Variants in LSR observed in about 807,000 individuals in gnomAD.
LSR encodes the protein lipolysis-stimulated lipoprotein receptor.
A neutral mutation model predicts 61.8 loss-of-function variants in LSR; 44 were observed. The observed-to-expected ratio is 0.71, with a 90% CI of 0.56 to 0.91. The LOEUF (loss-of-function observed/expected upper bound fraction) is 0.91. LSR is among the 40% of genes least tolerant of loss of function. The pLI is 0.00. For synonymous variants in LSR, 397 were observed against 350.6 expected, an observed-to-expected ratio of 1.13 and a Z score of -1.48; for missense variants, 911 against 830.5, an observed-to-expected ratio of 1.10 and a Z score of -1.19.
intron 5 of LSR, chr19:35,262,978 C>T: frequency 2.9e-6 from 1 of 341,774 alleles, no homozygotes; most frequent in Non-Finnish European, 5.3e-6. Flanking sequence ...GAAGTAAAGC[C>T]CTCTAAAAAA....
chr19:35,267,949 A>G lies in LSR; in HGVS notation c.*90A>G, dbSNP rs1045972045. Reference sequence around the variant, plus strand: ...TGCCATACCCCTCCCGAGTCTAATAAAACGTATAATCACAAGCTCTGGAGA... The same window carrying G: ...TGCCATACCCCTCCCGAGTCTAATAGAACGTATAATCACAAGCTCTGGAGA... On this transcript the variant is annotated 3_prime_UTR_variant, in exon 10 of 10. Coordinates refer to ENST00000605618, the MANE Select transcript of LSR (RefSeq NM_205834.4). The G allele has an allele frequency of 4.8e-6, 7 of 1,460,872 alleles. No individual in the cohort carries two copies. Among genetic ancestry groups the G allele is most frequent in the Non-Finnish European group, 1.9e-6 (2 of 1,048,304 alleles). 90.5% of individuals were successfully genotyped at this position (1,460,872 alleles called of 1,614,324 possible). A position where few individuals can be genotyped will look rare whatever the true frequency, so the allele number is the denominator to read the frequency against.
At position 35,254,765 on chromosome 19, in the gene LSR, G is replaced by A. The variant is rs191640434; in HGVS notation, c.454+4106G>A. ...CAGTGCTCAGCCCGGATGAGATCAC[G>A]GCCAGCCCAAGACCAGGAACAGGGT... On this transcript the variant is annotated intron_variant, in intron 2 of 9. Transcript: ENST00000605618. 5.2e-3 allele frequency among the ~76,000 whole-genome samples: 799 copies of A among 152,318 alleles called. 7 individuals carry two copies. The highest frequency in any genetic ancestry group is 0.016 in the Admixed American group (246 of 15,304).
chr19:35,263,608 C>G (rs1894232), intron 5 of LSR, among the ~76,000 whole-genome samples: 71,667 of 151,830 alleles, frequency 0.47, 17,524 homozygotes, highest in Middle Eastern at 0.56. Flanking sequence ...GTGATCCTCC[C>G]AAGTCAGCCT....
In LSR at chr19:35,262,703, C is replaced by G. The variant is rs367775342; in HGVS notation, c.778+11C>G. On this transcript the variant is annotated intron_variant, in intron 5 of 9. Coordinates refer to ENST00000605618, the MANE Select transcript of LSR (RefSeq NM_205834.4). ...GCTGCCCCGAGGCCCGTAAGTGTCC[C>G]GCTCATGGCCACCCTGGTTTGGGCA... 15 of 1,611,510 alleles carry G rather than the reference C, an allele frequency of 9.3e-6. No homozygotes were observed. The South Asian group carries it at 1.5e-4, about 17-fold the overall frequency.
chr19:35,263,363 A>C (rs1379805854), intron 5 of LSR, among the ~76,000 whole-genome samples: 2 of 152,058 alleles, frequency 1.3e-5, no homozygotes, highest in African/African-American at 4.8e-5. Context: ...TAAGCAAAAA[A>C]AATTTTTTTT....
At chr19:35,266,633 G>A (rs1274706129) in intron 6 of LSR, 46 bp from the exon 7 acceptor site, 5 of 1,597,992 alleles carry the variant, frequency 3.1e-6, no homozygotes, top group Non-Finnish European at 4.3e-6. Context: ...AGCCGAGGAG[G>A]GGCTCTGCTC....
At chr19:35,249,895 C>T (rs1011850736) in intron 1 of LSR, among the ~76,000 whole-genome samples, 6 of 152,134 alleles carry the variant, frequency 3.9e-5, no homozygotes, top group African/African-American at 1.4e-4. Flanking sequence ...TCAAAAGGCC[C>T]CGGGTAACCT....
In LSR at chr19:35,267,909, A is replaced by G. The variant is rs1419488581; in HGVS notation, c.*50A>G. On this transcript the variant is annotated 3_prime_UTR_variant, in exon 10 of 10. Transcript: ENST00000605618. ...GTATTTTTTTTTTTAATTTGAAGGA[A>G]CACTGATGAAGCCCTGCCATACCCC... The G allele has an allele frequency of 3.2e-6, 5 of 1,583,316 alleles. No individual in the cohort carries two copies. Among genetic ancestry groups the G allele is most frequent in the Non-Finnish European group, 4.3e-6 (5 of 1,154,614 alleles).
At position 35,266,504 on chromosome 19, in the gene LSR, C is replaced by A; in HGVS notation, c.924C>A (p.Tyr308Ter). ...GPAYNGYPGG[Y>*]PGDVDRSSSA... Reference sequence around the variant, plus strand: ...CCTACAACGGGTACCCTGGAGGATACCCTGGAGACGTTGACAGGAGTAGCT... The same window carrying A: ...CCTACAACGGGTACCCTGGAGGATAACCTGGAGACGTTGACAGGAGTAGCT... Residue 308 changes from tyrosine to a stop codon, truncating the protein, a stop_gained, in exon 6 of 10, where the codon TAC becomes TAA. Transcript: ENST00000605618. LOFTEE classifies it high-confidence loss of function. The A allele has an allele frequency of 6.2e-7, 1 of 1,609,178 alleles. No homozygotes were observed. Among genetic ancestry groups the A allele is most frequent in the Non-Finnish European group, 8.5e-7 (1 of 1,177,096 alleles).
chr19:35,249,124 G>C lies in LSR; in HGVS notation c.102G>C (p.Trp34Cys). The C allele has an allele frequency of 6.5e-7, 1 of 1,542,170 alleles. No homozygotes were observed. The highest frequency in any genetic ancestry group is 1.2e-5 in the South Asian group (1 of 83,174). The change falls in exon 1 of 10, where the codon TGG becomes TGC. Residue 34 changes from tryptophan to cysteine, a missense_variant. Coordinates refer to ENST00000605618, the MANE Select transcript of LSR (RefSeq NM_205834.4). The part of the protein sequence containing the change: ...VVFVWLLLST[W>C]CTAPARAIQV... ...TCGTGTGGCTTCTGCTTAGCACCTG[G>C]TGCACAGGTACGGGGCACGGGGCCT...
In LSR at chr19:35,266,702, C is replaced by T. The variant is rs769025422; in HGVS notation, c.976C>T (p.Pro326Ser). The stretch of plus-strand genomic sequence containing the variant: ...AGCTGGTGGCCAAGGCTCCTATGTA[C>T]CCCTGCTTCGGGACACGGACAGCAG... ...SSAGGQGSYV[P>S]LLRDTDSSVA... Residue 326 changes from proline (P) to serine (S), a missense_variant, in exon 7 of 10, where the codon CCC becomes TCC. Physicochemically the swap from Pro to Ser is moderately conservative, Grantham distance 74 (BLOSUM62 -1). Transcript: ENST00000605618. 13 of 1,609,066 alleles carry T rather than the reference C, an allele frequency of 8.1e-6. No individual in the cohort carries two copies. In the East Asian group the frequency reaches 2.7e-4, roughly 33 times the overall value.
chr19:35,267,323 C>A lies in LSR; in HGVS notation c.1359C>A (p.Thr453=), dbSNP rs746487756. The change falls in exon 9 of 10, where the codon ACC becomes ACA. Residue 453 remains threonine, a synonymous_variant. Transcript: ENST00000605618. ...ARSVDALDDL[T]PPSTAESGSR... is the part of the protein sequence containing the mutation. ...CCGTGGACGCCCTGGACGACCTCAC[C>A]CCGCCGAGCACCGCCGAGTCAGGGA... 6.4e-7 allele frequency: 1 copy of A among 1,562,096 alleles called. No homozygotes were observed. The highest frequency in any genetic ancestry group is 8.7e-7 in the Non-Finnish European group (1 of 1,154,366).
intron 2 of LSR, among the ~76,000 whole-genome samples, chr19:35,258,132 A>G (rs2065877916): frequency 6.6e-6 from 1 of 152,192 alleles, no homozygotes; most frequent in African/African-American, 2.4e-5. Context: ...GAGGTGGTTC[A>G]GAGATGGCTG....
Position 35,266,335 on chromosome 19 carries a change from C to T in LSR, c.779-24C>T, listed in dbSNP as rs997577443. ...GCCTGGCTCCTGCCTCATCCCCCTT[C>T]TCCTGTTGATTGTGTCCTCACAGTG... On this transcript the variant is annotated intron_variant, in intron 5 of 9. Transcript: ENST00000605618. The T allele has an allele frequency of 2.6e-6, 4 of 1,545,688 alleles. No individual in the cohort carries two copies. The African/African-American group carries it at 4.1e-5, about 16-fold the overall frequency.
At chr19:35,266,770 C>A in intron 7 of LSR, 32 bp downstream of exon 7, 1 of 1,609,334 alleles carries the variant, frequency 6.2e-7, no homozygotes, top group Non-Finnish European at 8.5e-7. Flanking sequence ...GTTGGATGTG[C>A]CTGTAAGGGA....
chr19:35,266,613 G>A (rs1192632004), intron 6 of LSR, 66 bp from the exon 7 acceptor site: 16 of 1,601,328 alleles, frequency 1.0e-5, no homozygotes, highest in African/African-American at 1.3e-5. Flanking sequence ...GGAAGGAAGA[G>A]TGTCTTGGGA....
intron 2 of LSR, among the ~76,000 whole-genome samples, chr19:35,258,344 G>T (rs1443844868): frequency 6.6e-6 from 1 of 152,170 alleles, no homozygotes; most frequent in Non-Finnish European, 1.5e-5. Flanking sequence ...TACATGGGAG[G>T]CTGAGGCAGG....
Position 35,258,833 on chromosome 19 carries a change from C to T in LSR, c.455-112C>T, listed in dbSNP as rs966731958. ...TATGCATTTGATCATCTGCAGCCTG[C>T]CCAGCCCACTGCTTGCCCCCTCCTG... On this transcript the variant is annotated intron_variant, in intron 2 of 9. Coordinates refer to ENST00000605618, the MANE Select transcript of LSR (RefSeq NM_205834.4). The T allele has an allele frequency of 3.1e-5, 42 of 1,364,730 alleles. No homozygotes were observed. In the African/African-American group the frequency reaches 4.9e-4, roughly 16 times the overall value. The allele number at this position is 1,364,730 out of a possible 1,614,324, so 84.5% of individuals were successfully genotyped here.
At chr19:35,251,021 C>T (rs1322938941) in intron 2 of LSR, among the ~76,000 whole-genome samples, 1 of 152,126 alleles carries the variant, frequency 6.6e-6, no homozygotes, top group Non-Finnish European at 1.5e-5. Flanking sequence ...GTCTCAAACT[C>T]CTGACCTCAA....
Sources: gnomAD v4.1 joint callset for allele counts (sites outside exome capture counted in the v4.1 genomes callset) on GRCh38, gnomAD v4.1.1 for gene constraint, MANE v1.5 for transcripts, NCBI Gene and HGNC (gene_info 2026-07-23, HGNC 2026-07-21) for gene names.